MEPE: variants seen among roughly 807,000 people sequenced by gnomAD.
MEPE encodes matrix, extracellular phosphoglycoprotein with ASARM motif (bone).
In MEPE, 7 loss-of-function variants were observed where a neutral mutation model predicts 7.3. The observed-to-expected ratio is 0.95, with a 90% CI of 0.54 to 1.79. The LOEUF is 1.79. Ranked by LOEUF, MEPE falls within the 40% of genes most tolerant of loss-of-function variation. MEPE has a pLI of 0.00. For missense variants in MEPE, 623 were observed against 628.2 expected, an observed-to-expected ratio of 0.99 and a Z score of 0.09; for synonymous variants, 214 against 213.1, an observed-to-expected ratio of 1.00 and a Z score of -0.04.
At chr4:87,825,792 C>A (rs1024505915) in intron 1 of MEPE, among the ~76,000 whole-genome samples, 1 of 152,300 alleles carries the variant, frequency 6.6e-6, no homozygotes, top group Middle Eastern at 3.4e-3. Flanking sequence ...CACAGTACCT[C>A]CTATCGCCTA....
upstream of MEPE, among the ~76,000 whole-genome samples, chr4:87,828,737 G>GAGT (rs1365917467): frequency 2.0e-5 from 3 of 152,168 alleles, no homozygotes; most frequent in Admixed American, 2.0e-4. Flanking sequence ...ATGTTCCATG[G>GAGT]AGTACTTCCT....
At position 87,832,985 on chromosome 4, in the gene MEPE, G is replaced by A. The variant is rs1376590771; in HGVS notation, c.-42G>A. ...GAGACTTCTAATCCTGCAACAAGAA[G>A]CCAGGTATTCTGAAGGTGAAAGATA... On this transcript the variant is annotated 5_prime_UTR_variant, in exon 1 of 4. Transcript: ENST00000361056. 2 of 152,150 alleles carry A rather than the reference G, an allele frequency of 1.3e-5. No homozygotes were observed. The highest frequency in any genetic ancestry group is 2.4e-5 in the African/African-American group (1 of 41,444). 9.4% of individuals were successfully genotyped at this position (152,150 alleles called of 1,614,324 possible). A position where few individuals can be genotyped will look rare whatever the true frequency, so the allele number is the denominator to read the frequency against.
In MEPE at chr4:87,846,007, A is replaced by C; in HGVS notation, c.1139A>C (p.Lys380Thr). 1 of 1,613,984 alleles carries C rather than the reference A, an allele frequency of 6.2e-7. No individual in the cohort carries two copies. Residue 380 changes from lysine to threonine, a missense_variant, in exon 4 of 4, where the codon AAA becomes ACA. Coordinates refer to ENST00000361056, the MANE Select transcript of MEPE (RefSeq NM_020203.6). ...VEFHYPPAPS[K>T]EKRKEGSSDA... Reference sequence around the variant, plus strand: ...TTTCATTACCCTCCTGCACCCTCAAAAGAGAAAAGAAAAGAAGGCAGTAGT... The same window carrying C: ...TTTCATTACCCTCCTGCACCCTCAACAGAGAAAAGAAAAGAAGGCAGTAGT...
intron 3 of MEPE, chr4:87,839,917 C>T (rs1462936960): frequency 2.6e-6 from 4 of 1,537,232 alleles, no homozygotes; most frequent in Non-Finnish European, 2.6e-6. Context: ...TCCCTTCCCT[C>T]CCTCCCCAGG....
At chr4:87,826,597 A>C (rs772161137) in intron 1 of MEPE, among the ~76,000 whole-genome samples, 10 of 151,538 alleles carry the variant, frequency 6.6e-5, no homozygotes, top group Non-Finnish European at 1.3e-4. Flanking sequence ...ACTAATTTAT[A>C]CTCCCACCAA....
At chr4:87,834,520 T>G (rs890611838) in intron 1 of MEPE, among the ~76,000 whole-genome samples, 183 bp from the exon 2 acceptor site, 2 of 152,220 alleles carry the variant, frequency 1.3e-5, no homozygotes, top group Non-Finnish European at 2.9e-5. Context: ...CATATGAAAG[T>G]TCTTAAAATG....
rs114361262 is a variant in MEPE, at chr4:87,834,569, C to T, written c.-12-134C>T. The T allele has an allele frequency of 1.8e-3, 1,103 of 628,128 alleles. 9 individuals carry two copies. The highest frequency in any genetic ancestry group is 0.017 in the African/African-American group (946 of 54,478). 38.9% of individuals were successfully genotyped at this position (628,128 alleles called of 1,614,324 possible). ...ATAAGCAAGTTATACATAGTCTATA[C>T]ACACACATACACAAAAGGATATGAA... is the stretch of plus-strand genomic sequence containing the variant. On this transcript the variant is annotated intron_variant, in intron 1 of 3. Coordinates refer to ENST00000361056, the MANE Select transcript of MEPE (RefSeq NM_020203.6).
chr4:87,824,097 T>A (rs1722406687), intron 1 of MEPE, among the ~76,000 whole-genome samples: 1 of 152,188 alleles, frequency 6.6e-6, no homozygotes, highest in Non-Finnish European at 1.5e-5. Context: ...ATTCATCTTA[T>A]CTCTTTTTAA....
In MEPE at chr4:87,825,155, T is replaced by C. The variant is rs562542613; in HGVS notation, c.-13+3684T>C. Among the ~76,000 whole-genome samples the C allele has an allele frequency of 9.8e-5, 15 of 152,338 alleles. No homozygotes were observed. The South Asian group carries it at 3.1e-3, about 32-fold the overall frequency. ...GACCTAGGCACAGCAAGAAGTATTA[T>C]CTTTGATAAATAATATTTAAAGGTA... On this transcript the variant is annotated intron_variant, in intron 1 of 3. Transcript: ENST00000424957.
chr4:87,835,793 T>C (rs1260479165), intron 2 of MEPE, among the ~76,000 whole-genome samples: 1 of 152,134 alleles, frequency 6.6e-6, no homozygotes, highest in African/African-American at 2.4e-5. Flanking sequence ...CCTCTCACGG[T>C]GGAAAAATGA....
chr4:87,822,001 C>G (rs550381380), intron 1 of MEPE, among the ~76,000 whole-genome samples: 2 of 152,270 alleles, frequency 1.3e-5, no homozygotes, highest in African/African-American at 4.8e-5. Flanking sequence ...GATGCCTAAC[C>G]AACTAGCCCA....
Position 87,838,628 on chromosome 4 carries a change from T to C in MEPE, c.55-4T>C. The C allele has an allele frequency of 6.2e-7, 1 of 1,613,176 alleles. No individual in the cohort carries two copies. The highest frequency in any genetic ancestry group is 8.5e-7 in the Non-Finnish European group (1 of 1,179,358). ...GTGAAGTTTTGTTTCTTGTTTCCTT[T>C]CAGACATTTCAACCACAGACTGAGA... On this transcript the variant is annotated splice_polypyrimidine_tract_variant and splice_region_variant and intron_variant, in intron 2 of 3. Transcript: ENST00000361056.
At chr4:87,826,689 G>C (rs145469224) in intron 1 of MEPE, among the ~76,000 whole-genome samples, 1 of 152,016 alleles carries the variant, frequency 6.6e-6, no homozygotes, top group Non-Finnish European at 1.5e-5. Flanking sequence ...TAATTGTGAC[G>C]TGTGAGATGG....
In MEPE at chr4:87,846,113, T is replaced by C. The variant is rs772625351; in HGVS notation, c.1245T>C (p.Asn415=). 2.5e-6 allele frequency: 4 copies of C among 1,613,328 alleles called. No individual in the cohort carries two copies. Among genetic ancestry groups the C allele is most frequent in the African/African-American group, 1.3e-5 (1 of 74,686 alleles). The change falls in exon 4 of 4, where the codon AAT becomes AAC. Residue 415 remains asparagine (N), a synonymous_variant. Transcript: ENST00000361056. ...GSTRKGVDHS[N]RNQATLNEKQ... Reference sequence around the variant, plus strand: ...CCAGAAAGGGTGTAGATCATTCTAATAGGAACCAAGCAACCTTAAATGAAA... The same window carrying C: ...CCAGAAAGGGTGTAGATCATTCTAACAGGAACCAAGCAACCTTAAATGAAA...
chr4:87,827,402 TGG>T (rs1722497592), intron 1 of MEPE, among the ~76,000 whole-genome samples: 1 of 152,012 alleles, frequency 6.6e-6, no homozygotes, highest in Admixed American at 6.6e-5. Context: ...CAGATAAACA[TGG>T]AATTAAAAAT....
Position 87,844,964 on chromosome 4 carries a change from A to C in MEPE, c.109-13A>C, listed in dbSNP as rs771383924. On this transcript the variant is annotated splice_polypyrimidine_tract_variant and intron_variant, in intron 3 of 3. Coordinates refer to ENST00000361056, the MANE Select transcript of MEPE (RefSeq NM_020203.6). ...CATAAAATAATCACTTCATATTGAA[A>C]ATTGTATTTTAGCAGGAAGAAAAAA... 1 of 1,516,232 alleles carries C rather than the reference A, an allele frequency of 6.6e-7. No individual in the cohort carries two copies. The highest frequency in any genetic ancestry group is 2.3e-5 in the East Asian group (1 of 43,448). 93.9% of individuals were successfully genotyped at this position (1,516,232 alleles called of 1,614,324 possible).
At chr4:87,838,599 G>C (rs1405369604) in intron 2 of MEPE, 33 bp from the exon 3 acceptor site, 2 of 1,597,574 alleles carry the variant, frequency 1.3e-6, no homozygotes, top group Admixed American at 3.4e-5. Flanking sequence ...GAATGTTCTA[G>C]TGGGTGAAGT....
At chr4:87,828,995 T>C (rs1722535749), upstream of MEPE, among the ~76,000 whole-genome samples, 1 of 152,174 alleles carries the variant, frequency 6.6e-6, no homozygotes, top group Non-Finnish European at 1.5e-5. Context: ...ACTTCAGTTA[T>C]TGGTTCCTTA....
upstream of MEPE, among the ~76,000 whole-genome samples, chr4:87,830,962 C>T (rs1458711473): frequency 6.6e-6 from 1 of 151,968 alleles, no homozygotes; most frequent in African/African-American, 2.4e-5. Context: ...TGACAGTTTA[C>T]ACTTAAATCT....
Sources: gnomAD v4.1 joint callset for allele counts (sites outside exome capture counted in the v4.1 genomes callset) on GRCh38, gnomAD v4.1.1 for gene constraint, MANE v1.5 for transcripts, NCBI Gene and HGNC (gene_info 2026-07-23, HGNC 2026-07-21) for gene names.